LSM5: variants seen among roughly 807,000 people sequenced by gnomAD.
LSM5 encodes U6 snRNA-associated Sm-like protein LSm5.
In LSM5, 8 loss-of-function variants were observed where a neutral mutation model predicts 13.8. That is an observed-to-expected ratio of 0.58 (90% CI 0.34 to 1.04). The LOEUF (loss-of-function observed/expected upper bound fraction) is 1.04. Ranked by LOEUF, LSM5 falls within the 50% of genes least tolerant of loss-of-function variation. LSM5 has a pLI of 0.03. For missense variants in LSM5, 80 were observed against 108.1 expected, an observed-to-expected ratio of 0.74 and a Z score of 1.15; for synonymous variants, 35 against 37.0, an observed-to-expected ratio of 0.95 and a Z score of 0.20.
upstream of LSM5, among the ~76,000 whole-genome samples, chr7:32,491,977 T>C (rs186427262): frequency 4.6e-5 from 7 of 152,342 alleles, no homozygotes; most frequent in East Asian, 1.3e-3. Context: ...TTTAAATTGA[T>C]TCTCACTATT....
upstream of LSM5, among the ~76,000 whole-genome samples, chr7:32,494,644 T>C (rs537420972): frequency 1.8e-4 from 27 of 152,300 alleles, no homozygotes; most frequent in African/African-American, 6.3e-4. Context: ...GCACTTTAAA[T>C]TGACATGAGA....
chr7:32,490,411 T>A (rs770876955), upstream of LSM5: 2 of 1,527,108 alleles, frequency 1.3e-6, no homozygotes, highest in Middle Eastern at 1.7e-4. Flanking sequence ...GGGACGACTT[T>A]GAAAAGCGCG....
chr7:32,488,282 C>T (rs1432620106), intron 3 of LSM5: 1 of 228,378 alleles, frequency 4.4e-6, no homozygotes, highest in East Asian at 1.1e-4. Context: ...TAATCCTCCT[C>T]CTTTGGCCTT....
upstream of LSM5, among the ~76,000 whole-genome samples, chr7:32,491,149 ACTTTG>A (rs1451331639): frequency 6.6e-6 from 1 of 152,218 alleles, no homozygotes; most frequent in Non-Finnish European, 1.5e-5. Flanking sequence ...TAATCCCAGC[ACTTTG>A]GAAGGCCGAG....
At chr7:32,492,438 G>A (rs60767553), upstream of LSM5, among the ~76,000 whole-genome samples, 11,483 of 152,074 alleles carry the variant, frequency 0.076, 495 homozygotes, top group Non-Finnish European at 0.095. Context: ...CAGGAGAATC[G>A]CTTGAACCTG....
upstream of LSM5, among the ~76,000 whole-genome samples, chr7:32,492,581 A>G (rs919318445): frequency 6.6e-6 from 1 of 152,242 alleles, no homozygotes; most frequent in Non-Finnish European, 1.5e-5. Context: ...CCACTAATAA[A>G]GAATAAAGAA....
upstream of LSM5, chr7:32,495,275 G>C (rs1375986647): frequency 1.3e-5 from 2 of 156,470 alleles, no homozygotes; most frequent in South Asian, 4.1e-4. Context: ...CCAGCCGCCC[G>C]GGTCACGTAA....
upstream of LSM5, among the ~76,000 whole-genome samples, chr7:32,494,193 G>T (rs1006176839): frequency 6.6e-6 from 1 of 152,106 alleles, no homozygotes; most frequent in Non-Finnish European, 1.5e-5. Flanking sequence ...TGCCAATTGT[G>T]GAAAATATCA....
At position 32,489,566 on chromosome 7, in the gene LSM5, C is replaced by T. The variant is rs1033251231; in HGVS notation, c.47-222G>A. ...TGAAGGAATGAAAACTTTTCAATCACGGCCACGACCACTAGTTCAATCACT... is the reference window on the plus strand; with the variant it reads ...TGAAGGAATGAAAACTTTTCAATCATGGCCACGACCACTAGTTCAATCACT... On this transcript the variant is annotated intron_variant, in intron 1 of 4. Transcript: ENST00000450169. 5 of 467,970 alleles carry T rather than the reference C, an allele frequency of 1.1e-5. No homozygotes were observed. The Admixed American group carries it at 1.2e-4, about 12-fold the overall frequency. The allele number at this position is 467,970 out of a possible 1,614,324, so 29.0% of individuals were successfully genotyped here.
In LSM5 at chr7:32,486,904, A is replaced by G. The variant is rs1445096614; in HGVS notation, c.*357T>C. ...AAAGTTCATCATTTTGTTTGGAACA[A>G]CTTTTGTTTGAGAATCAAATGGTCA... On this transcript the variant is annotated 3_prime_UTR_variant, in exon 5 of 5. Coordinates refer to ENST00000450169, the MANE Select transcript of LSM5 (RefSeq NM_012322.3). The G allele has an allele frequency of 8.8e-6, 2 of 226,010 alleles. No homozygotes were observed. Among genetic ancestry groups the G allele is most frequent in the Non-Finnish European group, 1.7e-5 (2 of 116,868 alleles). 14.0% of individuals were successfully genotyped at this position (226,010 alleles called of 1,614,324 possible).
At chr7:32,488,007 G>C (rs1786488110) in intron 3 of LSM5, 1 of 412,556 alleles carries the variant, frequency 2.4e-6, no homozygotes, top group East Asian at 4.7e-5. Flanking sequence ...AGAAGTGAAA[G>C]CTTGCCCAGG....
chr7:32,489,512 T>A (rs187275265), intron 1 of LSM5, 168 bp from the exon 2 acceptor site: 1 of 564,698 alleles, frequency 1.8e-6, no homozygotes, highest in African/African-American at 2.0e-5. Context: ...ATCTGGCACA[T>A]AATGAGCCTT....
At chr7:32,487,800 T>C (rs755919721) in intron 3 of LSM5, 43 bp from the exon 4 acceptor site, 12 of 1,053,958 alleles carry the variant, frequency 1.1e-5, no homozygotes, top group Admixed American at 3.5e-5. Context: ...ACAGTGAAAA[T>C]CAAAGCCAAC....
chr7:32,487,306 G>GA lies in LSM5; in HGVS notation c.244-14dup. 1 of 1,612,192 alleles carries GA rather than the reference G, an allele frequency of 6.2e-7. No homozygotes were observed. The highest frequency in any genetic ancestry group is 8.5e-7 in the Non-Finnish European group (1 of 1,178,744). ...CTCCAGGAACCAGCTGCATAAAGAGGAAAAAGAGTTTATTAATAACACTAC... is the reference window on the plus strand; with the variant it reads ...CTCCAGGAACCAGCTGCATAAAGAGGAAAAAAGAGTTTATTAATAACACTAC... On this transcript the variant is annotated splice_polypyrimidine_tract_variant and intron_variant, in intron 4 of 4. Transcript: ENST00000450169.
chr7:32,487,101 C>A lies in LSM5; in HGVS notation c.*160G>T. On this transcript the variant is annotated 3_prime_UTR_variant, in exon 5 of 5. Coordinates refer to ENST00000450169, the MANE Select transcript of LSM5 (RefSeq NM_012322.3). The stretch of plus-strand genomic sequence containing the variant: ...TCTTTTCTTCTTTTTCCAGGATAAT[C>A]ATGATTAACTTACAAAAATGGGTAC... The A allele has an allele frequency of 9.1e-6, 6 of 658,832 alleles. No homozygotes were observed. In the South Asian group the frequency reaches 1.1e-4, roughly 12 times the overall value. 40.8% of individuals were successfully genotyped at this position (658,832 alleles called of 1,614,324 possible). A position where few individuals can be genotyped will look rare whatever the true frequency, so the allele number is the denominator to read the frequency against.
rs772153482 is a variant in LSM5 at position 32,487,267 on chromosome 7, T to G, written c.270A>C (p.Glu90Asp). The change falls in exon 5 of 5, where the codon GAA becomes GAC. Residue 90 changes from glutamate to aspartate, a missense_variant. By Grantham distance (45) the Glu-to-Asp change is conservative (BLOSUM62 2). Coordinates refer to ENST00000450169, the MANE Select transcript of LSM5 (RefSeq NM_012322.3). ...GTAAGTCAAGGAAACTCATTCACAC[T>G]TCAGGTCCTTCTCCTCCAGGAACCA... is the stretch of plus-strand genomic sequence containing the variant. ...TMLVPGGEGP[E>D]V 1.7e-5 allele frequency: 28 copies of G among 1,613,678 alleles called. No homozygotes were observed. Among genetic ancestry groups the G allele is most frequent in the South Asian group, 1.5e-4 (14 of 91,056 alleles).
rs1380120296 is a variant in LSM5 at position 32,485,772 on chromosome 7, G to A, written c.*1489C>T. The A allele has an allele frequency of 1.3e-5, 2 of 151,920 alleles. No homozygotes were observed. Among genetic ancestry groups the A allele is most frequent in the Non-Finnish European group, 2.9e-5 (2 of 67,992 alleles). The allele number at this position is 151,920 out of a possible 1,614,324, so 9.4% of individuals were successfully genotyped here. Reference sequence around the variant, plus strand: ...CATCTCTCTAAAAATATAAAAATTAGATGGGAGTGGTGGCGCCCACCTGTA... The same window carrying A: ...CATCTCTCTAAAAATATAAAAATTAAATGGGAGTGGTGGCGCCCACCTGTA... On this transcript the variant is annotated 3_prime_UTR_variant, in exon 5 of 5. Coordinates refer to ENST00000450169, the MANE Select transcript of LSM5 (RefSeq NM_012322.3).
Position 32,487,051 on chromosome 7 carries a change from T to C in LSM5, c.*210A>G. On this transcript the variant is annotated 3_prime_UTR_variant, in exon 5 of 5. Coordinates refer to ENST00000450169, the MANE Select transcript of LSM5 (RefSeq NM_012322.3). Reference sequence around the variant, plus strand: ...AAATGACAGTTAACCAAAAACACCTTTATTTTCATCTGCAAAGAAGAAGCT... The same window carrying C: ...AAATGACAGTTAACCAAAAACACCTCTATTTTCATCTGCAAAGAAGAAGCT... The C allele has an allele frequency of 1.7e-6, 1 of 591,766 alleles. No homozygotes were observed. Among genetic ancestry groups the C allele is most frequent in the Non-Finnish European group, 3.0e-6 (1 of 338,470 alleles). The allele number at this position is 591,766 out of a possible 1,614,324, so 36.7% of individuals were successfully genotyped here.
rs573666877 is a variant in LSM5 at position 32,486,366 on chromosome 7, C to T, written c.*895G>A. 5 of 152,208 alleles carry T rather than the reference C, an allele frequency of 3.3e-5. No homozygotes were observed. Among genetic ancestry groups the T allele is most frequent in the East Asian group, 1.9e-4 (1 of 5,192 alleles). 9.4% of individuals were successfully genotyped at this position (152,208 alleles called of 1,614,324 possible). Reference sequence around the variant, plus strand: ...ATCAGGATGAGCAAGTAAAATAAAACGTGTACTGAGAGTGGACTGAGAAAG... The same window carrying T: ...ATCAGGATGAGCAAGTAAAATAAAATGTGTACTGAGAGTGGACTGAGAAAG... On this transcript the variant is annotated 3_prime_UTR_variant, in exon 5 of 5. Coordinates refer to ENST00000450169, the MANE Select transcript of LSM5 (RefSeq NM_012322.3).
Sources: gnomAD v4.1 joint callset for allele counts (sites outside exome capture counted in the v4.1 genomes callset) on GRCh38, gnomAD v4.1.1 for gene constraint, MANE v1.5 for transcripts, NCBI Gene and HGNC (gene_info 2026-07-23, HGNC 2026-07-21) for gene names.